Variants in GYPC observed in about 807,000 individuals in gnomAD.
The protein encoded by GYPC is glycophorin C (Gerbich blood group), also known as glycophorin-C.
A neutral mutation model predicts 12.6 loss-of-function variants in GYPC; 14 were observed. The observed-to-expected ratio is 1.11, with a 90% confidence interval of 0.74 to 1.74. GYPC has a LOEUF of 1.74. Among genes scored for constraint, GYPC ranks in the 40% most tolerant of loss-of-function variants. The probability of loss-of-function intolerance (pLI) is 0.00; values close to 1 mark genes in which losing one functional copy is unlikely to be tolerated. For missense variants in GYPC, 225 were observed against 172.1 expected (o/e 1.31, Z -1.72); for synonymous variants, 78 against 62.1 (o/e 1.26, Z -1.20).
intron 3 of GYPC, 148 bp from the exon 4 acceptor site, chr2:126,695,798 G>T: frequency 1.4e-6 from 1 of 721,548 alleles, no homozygotes; most frequent in Non-Finnish European, 2.5e-6. Flanking sequence ...GGGCTTACAG[G>T]AACCTGGCTC....
At chr2:126,674,808 C>A (rs949406354) in intron 1 of GYPC, among the ~76,000 whole-genome samples, 1 of 152,208 alleles carries the variant, frequency 6.6e-6, no homozygotes, top group Non-Finnish European at 1.5e-5. Flanking sequence ...CACACACACA[C>A]CCTGTTTGAG....
At chr2:126,666,201 C>T (rs185914189) in intron 1 of GYPC, among the ~76,000 whole-genome samples, 2 of 152,270 alleles carry the variant, frequency 1.3e-5, no homozygotes, top group Admixed American at 6.5e-5. Flanking sequence ...CCCACTCTTC[C>T]CCCGGGGAAG....
intron 1 of GYPC, among the ~76,000 whole-genome samples, chr2:126,663,544 G>A (rs1040832560): frequency 6.6e-6 from 1 of 152,194 alleles, no homozygotes. Context: ...CTCATACCTG[G>A]GCCATCTGGT....
At chr2:126,663,372 G>A (rs1450620247) in intron 1 of GYPC, among the ~76,000 whole-genome samples, 2 of 152,176 alleles carry the variant, frequency 1.3e-5, no homozygotes, top group Non-Finnish European at 2.9e-5. Context: ...GCACTGCGGT[G>A]GAGACAGCCC....
rs566882406 is a variant in GYPC, at chr2:126,683,138, C to T, written c.50-7117C>T. 4.6e-5 allele frequency among the ~76,000 whole-genome samples: 7 copies of T among 152,100 alleles called. No homozygotes were observed. In the East Asian group the frequency reaches 5.8e-4, roughly 13 times the overall value. ...TTCGAGACCAGCCTGGGCAACATGG[C>T]GAAAAACCCATCTCTACTGAAAATA... On this transcript the variant is annotated intron_variant, in intron 1 of 3. Coordinates refer to ENST00000259254, the MANE Select transcript of GYPC (RefSeq NM_002101.5).
At chr2:126,659,780 C>CTTTT (rs1203132482) in intron 1 of GYPC, among the ~76,000 whole-genome samples, 1 of 137,898 alleles carries the variant, frequency 7.3e-6, no homozygotes, top group Non-Finnish European at 1.6e-5. Flanking sequence ...TCTTTCTTTT[C>CTTTT]TTTTTTTTTT....
At chr2:126,656,681 C>T (rs1682367608) in intron 1 of GYPC, among the ~76,000 whole-genome samples, 3 of 152,360 alleles carry the variant, frequency 2.0e-5, no homozygotes, top group East Asian at 1.9e-4. Flanking sequence ...GTTCACATCA[C>T]AAGTTGCTTC....
chr2:126,661,129 C>T (rs947414372), intron 1 of GYPC, among the ~76,000 whole-genome samples: 35 of 152,316 alleles, frequency 2.3e-4, no homozygotes, highest in South Asian at 2.1e-4. Context: ...GCCAGGCCGG[C>T]GACACTGGGT....
At chr2:126,672,870 C>T (rs867030223) in intron 1 of GYPC, among the ~76,000 whole-genome samples, 1 of 152,162 alleles carries the variant, frequency 6.6e-6, no homozygotes, top group Non-Finnish European at 1.5e-5. Flanking sequence ...AGCCCATATA[C>T]ATAGCCTCCT....
chr2:126,656,381 C>T lies in GYPC; in HGVS notation c.49+69C>T, dbSNP rs1010533706. ...GCCGCGGCCCGCAGCAGCCAGGGGC[C>T]GAGCCACGGCCACGGACGCCCTGGT... is the stretch of plus-strand genomic sequence containing the variant. On this transcript the variant is annotated intron_variant, in intron 1 of 3. Transcript: ENST00000259254. The T allele has an allele frequency of 4.4e-6, 6 of 1,362,950 alleles. No individual in the cohort carries two copies. The African/African-American group carries it at 7.4e-5, about 17-fold the overall frequency. The allele number at this position is 1,362,950 out of a possible 1,614,324, so 84.4% of individuals were successfully genotyped here. A position where few individuals can be genotyped will look rare whatever the true frequency, so the allele number is the denominator to read the frequency against.
chr2:126,662,661 G>GT (rs1682564800), intron 1 of GYPC, among the ~76,000 whole-genome samples: 1 of 152,190 alleles, frequency 6.6e-6, no homozygotes, highest in Non-Finnish European at 1.5e-5. Context: ...GAGGCCTCAT[G>GT]TTTTTATTTT....
intron 1 of GYPC, among the ~76,000 whole-genome samples, chr2:126,664,925 C>T (rs551289053): frequency 2.6e-5 from 4 of 151,964 alleles, no homozygotes; most frequent in Non-Finnish European, 5.9e-5. Context: ...GCTAGGGAGG[C>T]TCAGGTCATG....
At chr2:126,681,700 G>A (rs1017826353) in intron 1 of GYPC, among the ~76,000 whole-genome samples, 1 of 150,908 alleles carries the variant, frequency 6.6e-6, no homozygotes, top group Non-Finnish European at 1.5e-5. Flanking sequence ...GGTTTTACAT[G>A]TGAAGAAACC....
chr2:126,672,201 C>G (rs969258008), intron 1 of GYPC, among the ~76,000 whole-genome samples: 1 of 152,168 alleles, frequency 6.6e-6, no homozygotes, highest in African/African-American at 2.4e-5. Flanking sequence ...AGTCTTGGAG[C>G]CTTCAAGGCC....
At chr2:126,661,672 G>A (rs532461090) in intron 1 of GYPC, among the ~76,000 whole-genome samples, 7 of 152,140 alleles carry the variant, frequency 4.6e-5, no homozygotes, top group East Asian at 3.9e-4. Flanking sequence ...GGCTGGTCTC[G>A]AACTCCTGAC....
At chr2:126,672,487 G>A (rs1018512942) in intron 1 of GYPC, among the ~76,000 whole-genome samples, 4 of 152,208 alleles carry the variant, frequency 2.6e-5, no homozygotes, top group African/African-American at 4.8e-5. Context: ...ATTGTCAGAT[G>A]TATCTTTCGG....
At chr2:126,656,426 C>A (rs1682357886) in intron 1 of GYPC, 114 bp downstream of exon 1, 5 of 906,224 alleles carry the variant, frequency 5.5e-6, no homozygotes, top group Non-Finnish European at 8.4e-6. Flanking sequence ...CGTGCCGGGC[C>A]TCCAGGCGGA....
In GYPC at chr2:126,696,078, C is replaced by T. The variant is rs1037014882; in HGVS notation, c.323C>T (p.Ala108Val). 6.2e-7 allele frequency: 1 copy of T among 1,614,060 alleles called. No homozygotes were observed. Among genetic ancestry groups the T allele is most frequent in the South Asian group, 1.1e-5 (1 of 91,080 alleles). The change falls in exon 4 of 4, where the codon GCC becomes GTC. Residue 108 changes from alanine (A) to valine (V), a missense_variant. Coordinates refer to ENST00000259254, the MANE Select transcript of GYPC (RefSeq NM_002101.5). ...GTEFAESADA[A>V]LQGDPALQDA... ...GAGTTTGCTGAGAGTGCAGATGCAG[C>T]CCTGCAGGGAGACCCTGCCCTCCAA...
intron 1 of GYPC, among the ~76,000 whole-genome samples, chr2:126,675,382 C>A (rs1424612216): frequency 6.6e-6 from 1 of 152,076 alleles, no homozygotes; most frequent in South Asian, 2.1e-4. Context: ...TTATTCATAA[C>A]CCTCCTACAT....
Sources: allele counts gnomAD v4.1 joint callset (sites outside exome capture counted in the v4.1 genomes callset), GRCh38; gene constraint gnomAD v4.1.1; transcripts MANE v1.5; gene names NCBI Gene and HGNC (gene_info 2026-07-23, HGNC 2026-07-21).